TCF4: variants seen among roughly 807,000 people sequenced by gnomAD.
The protein encoded by TCF4 is SL3-3 enhancer factor 2.
In TCF4, 3 loss-of-function variants were observed where a neutral mutation model predicts 82.1. The ratio of observed to expected loss-of-function variants is 0.04; its 90% CI spans 0.02 to 0.09. The LOEUF (loss-of-function observed/expected upper bound fraction) is 0.09. TCF4 is among the 10% of genes least tolerant of loss of function. TCF4 has a pLI of 1.00. For synonymous variants in TCF4, 276 were observed against 309.6 expected (o/e 0.89, Z 1.14); for missense variants, 518 against 852.7 (o/e 0.61, Z 4.89).
intron 4 of TCF4, among the ~76,000 whole-genome samples, chr18:55,463,391 A>G (rs972642954): frequency 2.6e-5 from 4 of 152,130 alleles, no homozygotes; most frequent in African/African-American, 9.7e-5. Flanking sequence ...TTGCTTAACC[A>G]CCCACCCAAC....
At chr18:55,295,993 T>A (rs530643818) in intron 8 of TCF4, among the ~76,000 whole-genome samples, 183 of 152,312 alleles carry the variant, frequency 1.2e-3, no homozygotes, top group Non-Finnish European at 2.4e-3. Context: ...TTCAGGGTTA[T>A]ATTCTAACAG....
chr18:55,299,348 G>T (rs2067412088), intron 8 of TCF4, among the ~76,000 whole-genome samples: 1 of 151,960 alleles, frequency 6.6e-6, no homozygotes, highest in Non-Finnish European at 1.5e-5. Context: ...GGAGGTGGAG[G>T]TTGCAGTGAG....
intron 3 of TCF4, among the ~76,000 whole-genome samples, chr18:55,480,416 T>C (rs186873269): frequency 1.7e-4 from 26 of 151,922 alleles, no homozygotes; most frequent in Non-Finnish European, 3.4e-4. Flanking sequence ...CTCTGAAATA[T>C]ATAATCTAGA....
Position 55,234,529 on chromosome 18 carries a change from C to T in TCF4, c.1486+19G>A, listed in dbSNP as rs917376159. ...ATTGTGAAAGTGAGGTCAGAAGTGC[C>T]CTGGTGAGGCCAACCTACCTCTGTA... is the stretch of plus-strand genomic sequence containing the variant. On this transcript the variant is annotated intron_variant, in intron 16 of 19. Transcript: ENST00000354452. 10 of 1,613,950 alleles carry T rather than the reference C, an allele frequency of 6.2e-6. No homozygotes were observed. The highest frequency in any genetic ancestry group is 3.3e-5 in the Admixed American group (2 of 59,992).
At chr18:55,491,991 T>A (rs968197793) in intron 3 of TCF4, among the ~76,000 whole-genome samples, 12 of 152,204 alleles carry the variant, frequency 7.9e-5, no homozygotes, top group African/African-American at 2.9e-4. Context: ...TTTTCTATAC[T>A]CAGAACTTGT....
intron 4 of TCF4, 95 bp downstream of exon 4, chr18:55,463,969 TGTGTGTGTGAGA>T (rs1324542335): frequency 9.4e-5 from 72 of 767,014 alleles, no homozygotes; most frequent in Middle Eastern, 2.6e-4. Flanking sequence ...TGTGTGTGTG[TGTGTGTGTGAGA>T]GAGAGAGAGA....
chr18:55,462,089 A>G (rs2095877260), intron 4 of TCF4, among the ~76,000 whole-genome samples: 1 of 152,184 alleles, frequency 6.6e-6, no homozygotes, highest in Non-Finnish European at 1.5e-5. Flanking sequence ...TGCCCACACA[A>G]AAGAGAGGGC....
At chr18:55,517,112 G>A (rs1248958673) in intron 3 of TCF4, among the ~76,000 whole-genome samples, 2 of 152,154 alleles carry the variant, frequency 1.3e-5, no homozygotes, top group African/African-American at 2.4e-5. Context: ...AGCTCCTAAT[G>A]AATAACACCA....
intron 2 of TCF4, among the ~76,000 whole-genome samples, chr18:55,616,395 T>A (rs916201423): frequency 6.6e-6 from 1 of 152,122 alleles, no homozygotes; most frequent in Non-Finnish European, 1.5e-5. Flanking sequence ...TGTTTGGATG[T>A]GTTGGCTATG....
At chr18:55,386,691 C>T (rs1243770712) in intron 6 of TCF4, among the ~76,000 whole-genome samples, 3 of 152,212 alleles carry the variant, frequency 2.0e-5, no homozygotes, top group African/African-American at 7.2e-5. Context: ...CCAAGCAGCC[C>T]TACTCTTCCC....
At chr18:55,586,581 A>T (rs1290695019) in intron 2 of TCF4, among the ~76,000 whole-genome samples, 1 of 152,272 alleles carries the variant, frequency 6.6e-6, no homozygotes, top group Non-Finnish European at 1.5e-5. Flanking sequence ...TGTAAGGAAC[A>T]GGTCCTACCA....
chr18:55,289,938 C>T (rs1035257319), intron 8 of TCF4, among the ~76,000 whole-genome samples: 7 of 151,830 alleles, frequency 4.6e-5, no homozygotes, highest in South Asian at 4.2e-4. Context: ...CATGTAATGC[C>T]GGGCACAGAA....
intron 8 of TCF4, among the ~76,000 whole-genome samples, chr18:55,312,489 C>CA (rs1264514836): frequency 6.6e-6 from 1 of 152,128 alleles, no homozygotes; most frequent in Non-Finnish European, 1.5e-5. Context: ...TCATAAGAAA[C>CA]AATTCCGTAT....
intron 3 of TCF4, among the ~76,000 whole-genome samples, chr18:55,508,214 T>C (rs2096785429): frequency 6.6e-6 from 1 of 152,150 alleles, no homozygotes; most frequent in African/African-American, 2.4e-5. Flanking sequence ...TGCAAACTCA[T>C]TTAAAGTAAA....
chr18:55,610,158 T>A (rs2097705798), intron 2 of TCF4, among the ~76,000 whole-genome samples: 1 of 152,140 alleles, frequency 6.6e-6, no homozygotes, highest in Non-Finnish European at 1.5e-5. Context: ...ATTTTATAGG[T>A]CTACATGCCA....
intron 2 of TCF4, among the ~76,000 whole-genome samples, chr18:55,615,067 A>C (rs645118): frequency 1 from 152,037 of 152,270 alleles, 75,903 homozygotes; most frequent in Middle Eastern, 1. Context: ...GCATTGTGGT[A>C]AATACCTCAG....
chr18:55,372,496 A>C (rs1387273605), intron 6 of TCF4, among the ~76,000 whole-genome samples: 1 of 152,164 alleles, frequency 6.6e-6, no homozygotes, highest in African/African-American at 2.4e-5. Flanking sequence ...AGGGGATACA[A>C]GACTTTAAAA....
chr18:55,432,485 G>A (rs2095233004), intron 5 of TCF4, among the ~76,000 whole-genome samples: 1 of 152,066 alleles, frequency 6.6e-6, no homozygotes, highest in African/African-American at 2.4e-5. Flanking sequence ...TTGTAAGGTT[G>A]GCCTTGTTAT....
chr18:55,425,261 T>C (rs1000466042), intron 5 of TCF4, among the ~76,000 whole-genome samples: 1 of 152,154 alleles, frequency 6.6e-6, no homozygotes, highest in Non-Finnish European at 1.5e-5. Flanking sequence ...ATTGGATTCG[T>C]TGAAATGAAA....
Sources: gnomAD v4.1 joint callset for allele counts (sites outside exome capture counted in the v4.1 genomes callset) on GRCh38, gnomAD v4.1.1 for gene constraint, MANE v1.5 for transcripts, NCBI Gene and HGNC (gene_info 2026-07-23, HGNC 2026-07-21) for gene names.